Variants in SEC14L1 observed in about 807,000 individuals in gnomAD.
The protein encoded by SEC14L1 is SEC14 like lipid binding 1.
Under a neutral mutation model 85.3 loss-of-function variants are expected in SEC14L1, and 48 were observed. The ratio of observed to expected loss-of-function variants is 0.56; its 90% CI spans 0.45 to 0.72. The LOEUF (loss-of-function observed/expected upper bound fraction) is 0.72. Among genes scored for constraint, SEC14L1 ranks in the 30% least tolerant of loss-of-function variants. The pLI is 0.00. For missense variants in SEC14L1, 682 were observed against 921.4 expected, an observed-to-expected ratio of 0.74 and a Z score of 3.36; for synonymous variants, 391 against 355.5, an observed-to-expected ratio of 1.10 and a Z score of -1.12.
chr17:77,110,514 A>G (rs147811262), intron 3 of SEC14L1, among the ~76,000 whole-genome samples: 28 of 152,290 alleles, frequency 1.8e-4, no homozygotes, highest in Middle Eastern at 3.4e-3. Flanking sequence ...ACATTTGCCC[A>G]TGGTGGTCAG....
chr17:77,144,793 G>A (rs987699475), intron 3 of SEC14L1: 1 of 152,160 alleles, frequency 6.6e-6, no homozygotes, highest in Non-Finnish European at 1.5e-5. Context: ...TGTATTTTTA[G>A]TAGAGATGGG....
At chr17:77,210,725 G>A (rs1976703599) in intron 14 of SEC14L1, 1 of 152,214 alleles carries the variant, frequency 6.6e-6, no homozygotes, top group African/African-American at 2.4e-5. Context: ...TTCTTACCGG[G>A]AGGGCAGGCT....
In SEC14L1 at chr17:77,108,285, G is replaced by A. The variant is rs144829468; in HGVS notation, c.-136+14938G>A. ...CCGAGTTTCTGCATTAAACGTGGTCGTCATAACCCAGTTCTGTCCGGCAGG... is the reference window on the plus strand; with the variant it reads ...CCGAGTTTCTGCATTAAACGTGGTCATCATAACCCAGTTCTGTCCGGCAGG... On this transcript the variant is annotated intron_variant, in intron 3 of 19. Coordinates refer to the SEC14L1 transcript ENST00000392476. Among the ~76,000 whole-genome samples, 1,215 of 152,254 alleles carry A rather than the reference G, an allele frequency of 8.0e-3. 7 individuals are homozygous for A. Among genetic ancestry groups the A allele is most frequent in the South Asian group, 0.022 (105 of 4,816 alleles).
At chr17:77,126,142 C>A (rs1380657442) in intron 3 of SEC14L1, among the ~76,000 whole-genome samples, 2 of 152,220 alleles carry the variant, frequency 1.3e-5, no homozygotes, top group African/African-American at 4.8e-5. Flanking sequence ...CAGAGCGAGA[C>A]TCCGTCTCAA....
intron 3 of SEC14L1, among the ~76,000 whole-genome samples, chr17:77,174,353 T>C (rs1974653150): frequency 6.6e-6 from 1 of 152,194 alleles, no homozygotes; most frequent in African/African-American, 2.4e-5. Context: ...TGGGTCGGTA[T>C]GATCCCCCGA....
intron 3 of SEC14L1, chr17:77,127,883 G>A (rs1192340191): frequency 6.6e-6 from 1 of 152,358 alleles, no homozygotes; most frequent in Non-Finnish European, 1.5e-5. Flanking sequence ...ACACAAGGGA[G>A]AAGGTGGAAG....
intron 7 of SEC14L1, 123 bp from the exon 8 acceptor site, chr17:77,196,079 T>C (rs1339728960): frequency 1.5e-6 from 1 of 679,898 alleles, no homozygotes; most frequent in Non-Finnish European, 2.6e-6. Context: ...ACATCTGCCA[T>C]CTCTGCGGTT....
chr17:77,170,674 A>C (rs1974489236), intron 3 of SEC14L1, among the ~76,000 whole-genome samples: 1 of 152,218 alleles, frequency 6.6e-6, no homozygotes, highest in African/African-American at 2.4e-5. Context: ...TGAACAGGGC[A>C]ATAGGAAGGC....
Position 77,206,561 on chromosome 17 carries a change from A to C in SEC14L1, c.1341+161A>C. On this transcript the variant is annotated intron_variant, in intron 12 of 16. Transcript: ENST00000436233. This position sits in a 1 kb window ranked among gnomAD's most constrained non-coding sequence, Gnocchi z 4.3. ...CTCAAATTGTTTAAGAAAGGGGAAA[A>C]ACAAAATGTGAGTGTCCTAATGCCA... 8.2e-7 allele frequency: 1 copy of C among 1,217,986 alleles called. No homozygotes were observed. The highest frequency in any genetic ancestry group is 1.1e-6 in the Non-Finnish European group (1 of 880,944). 75.4% of individuals were successfully genotyped at this position (1,217,986 alleles called of 1,614,324 possible).
At chr17:77,100,909 G>C (rs1031238630) in intron 3 of SEC14L1, among the ~76,000 whole-genome samples, 16 of 152,148 alleles carry the variant, frequency 1.1e-4, no homozygotes, top group African/African-American at 3.9e-4. Flanking sequence ...ATTGTATGCA[G>C]GGGTCAGGCT....
intron 3 of SEC14L1, among the ~76,000 whole-genome samples, chr17:77,121,209 A>G (rs1972286860): frequency 6.6e-6 from 1 of 152,180 alleles, no homozygotes. Context: ...TGTTGTCTGC[A>G]GCTAAGAACA....
intron 3 of SEC14L1, among the ~76,000 whole-genome samples, chr17:77,159,047 C>A (rs1240874318): frequency 6.6e-6 from 1 of 150,790 alleles, no homozygotes; most frequent in African/African-American, 2.4e-5. Context: ...TTCGTGTGAT[C>A]CACCCAACTG....
chr17:77,097,134 A>G (rs1381605387), intron 3 of SEC14L1, among the ~76,000 whole-genome samples: 1 of 152,250 alleles, frequency 6.6e-6, no homozygotes, highest in Non-Finnish European at 1.5e-5. Flanking sequence ...CAGTGTTAAC[A>G]CGTACCAGTA....
intron 3 of SEC14L1, among the ~76,000 whole-genome samples, chr17:77,161,902 T>C (rs1049461983): frequency 2.0e-5 from 3 of 149,688 alleles, no homozygotes; most frequent in African/African-American, 4.9e-5. Context: ...CTTTCTCTCT[T>C]TCTTTCTCTT....
intron 3 of SEC14L1, among the ~76,000 whole-genome samples, chr17:77,172,113 C>A (rs905490874): frequency 1.3e-5 from 2 of 152,088 alleles, no homozygotes; most frequent in Non-Finnish European, 2.9e-5. Context: ...AAAGTTTTTC[C>A]TGTGAACAAG....
chr17:77,189,410 TG>T (rs1598368732), intron 3 of SEC14L1, among the ~76,000 whole-genome samples: 1 of 152,158 alleles, frequency 6.6e-6, no homozygotes, highest in Non-Finnish European at 1.5e-5. Context: ...ACTTTTGGCT[TG>T]GTGGTATGGA....
At chr17:77,203,910 CTT>C (rs957309496) in intron 10 of SEC14L1, among the ~76,000 whole-genome samples, 30 of 152,248 alleles carry the variant, frequency 2.0e-4, no homozygotes, top group African/African-American at 6.5e-4. Context: ...CAGTTTGAGT[CTT>C]TTCATTCACT....
At position 77,203,319 on chromosome 17, in the gene SEC14L1, C is replaced by T. The variant is rs79156300; in HGVS notation, c.1010-251C>T. ...CGGATTCCCCTCATCCCGGCACAGC[C>T]TTCTATTTCCAGGACCCTGCACAGC... On this transcript the variant is annotated intron_variant, in intron 9 of 16. Transcript: ENST00000436233. Among the ~76,000 whole-genome samples, 1,399 of 152,260 alleles carry T rather than the reference C, an allele frequency of 9.2e-3. 25 individuals are homozygous for T. Among genetic ancestry groups the T allele is most frequent in the African/African-American group, 0.03 (1,260 of 41,530 alleles).
rs1444664337 is a variant in SEC14L1, at chr17:77,216,293, G to A, written c.*2270G>A. On this transcript the variant is annotated 3_prime_UTR_variant, in exon 17 of 17. Coordinates refer to ENST00000436233, the MANE Select transcript of SEC14L1 (RefSeq NM_001143998.2). ...TAGGTAGGGTTAGTAGGTAGGGTTC[G>A]TAGGTAGGGCTAGTAGGTAGGGCTA... The A allele has an allele frequency of 1.7e-6, 2 of 1,177,644 alleles. No individual in the cohort carries two copies. The highest frequency in any genetic ancestry group is 3.6e-5 in the East Asian group (1 of 27,992). 72.9% of individuals were successfully genotyped at this position (1,177,644 alleles called of 1,614,324 possible).
Sources: gnomAD v4.1 joint callset for allele counts (sites outside exome capture counted in the v4.1 genomes callset) on GRCh38, gnomAD v4.1.1 for gene constraint, Gnocchi (gnomAD v3.1) non-coding constraint, MANE v1.5 for transcripts, NCBI Gene and HGNC (gene_info 2026-07-23, HGNC 2026-07-21) for gene names.